The following FYB2 variants were observed in gnomAD, a reference collection of about 807,000 sequenced individuals.
FYB2 encodes FYN binding protein 2.
A neutral mutation model predicts 94.1 loss-of-function variants in FYB2; 103 were observed. The ratio of observed to expected loss-of-function variants is 1.09; its 90% CI spans 0.93 to 1.29. FYB2 has a LOEUF of 1.29. Among genes scored for constraint, FYB2 ranks in the 50% most tolerant of loss-of-function variants. The pLI is 0.00. For missense variants in FYB2, 896 were observed against 841.5 expected (o/e 1.06, Z -0.80); for synonymous variants, 293 against 287.9 (o/e 1.02, Z -0.18).
intron 4 of FYB2, among the ~76,000 whole-genome samples, chr1:56,768,292 C>T (rs894267338): frequency 3.9e-5 from 6 of 152,162 alleles, no homozygotes; most frequent in Non-Finnish European, 8.8e-5. Context: ...GACTGGGCAG[C>T]TGGGGATTTA....
chr1:56,777,356 G>C (rs1033284703), intron 4 of FYB2, among the ~76,000 whole-genome samples: 5 of 151,030 alleles, frequency 3.3e-5, no homozygotes, highest in Admixed American at 1.3e-4. Flanking sequence ...TGAATCCAAG[G>C]TTATCTGACT....
upstream of FYB2, among the ~76,000 whole-genome samples, chr1:56,822,675 T>A (rs1166493527): frequency 6.6e-6 from 1 of 151,946 alleles, no homozygotes; most frequent in Non-Finnish European, 1.5e-5. Flanking sequence ...TGTCTCAGTC[T>A]TTCCTCTCTC....
chr1:56,801,353 AC>A (rs1646514722), intron 1 of FYB2, among the ~76,000 whole-genome samples: 1 of 152,136 alleles, frequency 6.6e-6, no homozygotes, highest in African/African-American at 2.4e-5. Flanking sequence ...GGCATATCAA[AC>A]TAAACCTACT....
At chr1:56,818,779 A>T (rs1311801250) in intron 1 of FYB2, among the ~76,000 whole-genome samples, 1 of 152,180 alleles carries the variant, frequency 6.6e-6, no homozygotes, top group Non-Finnish European at 1.5e-5. Flanking sequence ...GATGACGGAC[A>T]CACTTGCCCC....
chr1:56,722,993 C>A (rs78995454), intron 17 of FYB2, among the ~76,000 whole-genome samples: 142 of 151,888 alleles, frequency 9.3e-4, no homozygotes, highest in African/African-American at 3.3e-3. Flanking sequence ...AAAAAATGTC[C>A]CATGGACTCT....
intron 4 of FYB2, among the ~76,000 whole-genome samples, chr1:56,771,263 A>G (rs904873302): frequency 1.4e-4 from 22 of 152,212 alleles, no homozygotes; most frequent in Non-Finnish European, 2.4e-4. Flanking sequence ...GGATGTGTTC[A>G]TATGAGGAAA....
chr1:56,750,689 C>T (rs1395204468), intron 9 of FYB2, among the ~76,000 whole-genome samples: 2 of 151,862 alleles, frequency 1.3e-5, no homozygotes, highest in African/African-American at 4.8e-5. Context: ...AAAAAAAGAA[C>T]AAACATTTGC....
intron 4 of FYB2, among the ~76,000 whole-genome samples, chr1:56,784,969 C>G (rs527617934): frequency 1.3e-5 from 2 of 152,298 alleles, no homozygotes; most frequent in African/African-American, 4.8e-5. Context: ...AGTTTTCTGG[C>G]CCCTCTTTAT....
intron 11 of FYB2, among the ~76,000 whole-genome samples, chr1:56,743,516 C>T (rs748634902): frequency 2.0e-5 from 3 of 151,762 alleles, no homozygotes; most frequent in Non-Finnish European, 2.9e-5. Context: ...AAGAGCATTC[C>T]GGAAAGGGAG....
In FYB2 at chr1:56,787,150, A is replaced by G. The variant is rs181616718; in HGVS notation, c.953+25T>C. ...AGCCTCTGTGGTGGGCTACGTTCCT[A>G]CACAACTAAGGAGCATGTACTTACC... On this transcript the variant is annotated intron_variant, in intron 4 of 19. Transcript: ENST00000343433. The G allele has an allele frequency of 2.1e-3, 3,357 of 1,613,588 alleles. 5 individuals carry two copies. The highest frequency in any genetic ancestry group is 2.6e-3 in the Non-Finnish European group (3,119 of 1,179,578).
At chr1:56,722,622 G>A (rs2100482252) in intron 17 of FYB2, among the ~76,000 whole-genome samples, 1 of 152,160 alleles carries the variant, frequency 6.6e-6, no homozygotes, top group African/African-American at 2.4e-5. Context: ...AGCACTTAGA[G>A]GGATGAAATA....
At chr1:56,743,298 G>T (rs1644996489) in intron 11 of FYB2, among the ~76,000 whole-genome samples, 1 of 151,956 alleles carries the variant, frequency 6.6e-6, no homozygotes, top group Non-Finnish European at 1.5e-5. Flanking sequence ...GGAGAAAATG[G>T]TATGTATAAA....
intron 13 of FYB2, among the ~76,000 whole-genome samples, 167 bp from the exon 14 acceptor site, chr1:56,738,820 A>G (rs147922158): frequency 8.1e-4 from 123 of 152,262 alleles, no homozygotes; most frequent in African/African-American, 2.9e-3. Context: ...AGATGTCACA[A>G]GATGTGCACA....
At chr1:56,741,947 A>T (rs747131447) in intron 12 of FYB2, among the ~76,000 whole-genome samples, 15 of 152,018 alleles carry the variant, frequency 9.9e-5, no homozygotes, top group Non-Finnish European at 1.6e-4. Flanking sequence ...ATAGTATATG[A>T]TTGTACACAA....
chr1:56,782,115 C>T (rs187533772), intron 4 of FYB2, among the ~76,000 whole-genome samples: 114 of 152,256 alleles, frequency 7.5e-4, no homozygotes, highest in Admixed American at 1.2e-3. Flanking sequence ...ATGTTAAGAA[C>T]ATTCAAATTA....
chr1:56,805,527 G>A (rs1170472107), intron 1 of FYB2, among the ~76,000 whole-genome samples: 1 of 152,166 alleles, frequency 6.6e-6, no homozygotes, highest in Non-Finnish European at 1.5e-5. Context: ...ACAAAAGTCA[G>A]GATCAGAGCT....
At chr1:56,798,477 C>T (rs1646450576) in intron 1 of FYB2, among the ~76,000 whole-genome samples, 1 of 152,126 alleles carries the variant, frequency 6.6e-6, no homozygotes, top group South Asian at 2.1e-4. Flanking sequence ...AAAGACATTG[C>T]TATTTCAGAA....
chr1:56,750,327 G>A (rs1231955100), intron 9 of FYB2, among the ~76,000 whole-genome samples: 1 of 151,948 alleles, frequency 6.6e-6, no homozygotes, highest in Non-Finnish European at 1.5e-5. Context: ...AAAATCACGG[G>A]GTTAGTATAG....
At chr1:56,819,244 C>T (rs879064414) in intron 1 of FYB2, 38 bp downstream of exon 1, 1 of 1,614,228 alleles carries the variant, frequency 6.2e-7, no homozygotes, top group Non-Finnish European at 8.5e-7. Context: ...CAAGAAAAGA[C>T]ACACAGAAAG....
Sources: gnomAD v4.1 joint callset for allele counts (sites outside exome capture counted in the v4.1 genomes callset) on GRCh38, gnomAD v4.1.1 for gene constraint, MANE v1.5 for transcripts, NCBI Gene and HGNC (gene_info 2026-07-23, HGNC 2026-07-21) for gene names.